Variants in PCBD2 observed in about 807,000 individuals in gnomAD.
The protein encoded by PCBD2 is pterin-4 alpha-carbinolamine dehydratase 2, also known as pterin-4-alpha-carbinolamine dehydratase 2.
A neutral mutation model predicts 16.4 loss-of-function variants in PCBD2; 12 were observed. That is an observed-to-expected ratio of 0.73 (90% CI 0.47 to 1.19). The LOEUF is 1.19. PCBD2 is among the 50% of genes most tolerant of loss of function. The probability of loss-of-function intolerance (pLI) is 0.00; values close to 1 mark genes in which losing one functional copy is unlikely to be tolerated. For synonymous variants in PCBD2, 58 were observed against 61.8 expected, an observed-to-expected ratio of 0.94 and a Z score of 0.29; for missense variants, 138 against 156.8, an observed-to-expected ratio of 0.88 and a Z score of 0.64.
At chr5:134,927,825 C>T (rs1280751695) in intron 2 of PCBD2, 2 of 382,524 alleles carry the variant, frequency 5.2e-6, no homozygotes, top group Non-Finnish European at 9.0e-6. Flanking sequence ...GGGCAGGAGT[C>T]AGGTAGTTAG....
At chr5:134,932,681 A>C (rs916246940) in intron 2 of PCBD2, among the ~76,000 whole-genome samples, 1 of 151,474 alleles carries the variant, frequency 6.6e-6, no homozygotes, top group African/African-American at 2.4e-5. Context: ...ATGGGATCTC[A>C]CTATGTTGCC....
chr5:134,918,803 C>T lies in PCBD2; in HGVS notation c.216+8337C>T, dbSNP rs191766482. Among the ~76,000 whole-genome samples, 4 of 152,286 alleles carry T rather than the reference C, an allele frequency of 2.6e-5. No individual in the cohort carries two copies. In the East Asian group the frequency reaches 7.7e-4, roughly 29 times the overall value. On this transcript the variant is annotated intron_variant, in intron 2 of 3. Transcript: ENST00000254908. ...TGTTGGTGTTCCCTTTGGAGTTCTT[C>T]CTGAGCAGGACCACGCTGATGCTCC...
chr5:134,954,067 C>T (rs879599460), intron 2 of PCBD2, among the ~76,000 whole-genome samples: 6 of 152,094 alleles, frequency 3.9e-5, no homozygotes, highest in Non-Finnish European at 8.8e-5. Flanking sequence ...GACGGATCCC[C>T]CAACCTCAAC....
At chr5:134,928,180 G>A (rs1726886422) in intron 2 of PCBD2, 1 of 390,354 alleles carries the variant, frequency 2.6e-6, no homozygotes, top group African/African-American at 2.1e-5. Flanking sequence ...AGTGGGTGTT[G>A]AGGGTTATGA....
chr5:134,912,169 A>G (rs924017943), intron 2 of PCBD2, among the ~76,000 whole-genome samples: 1 of 151,900 alleles, frequency 6.6e-6, no homozygotes, highest in Admixed American at 6.6e-5. Context: ...TTTTTTTCCC[A>G]TTCACCCAAC....
At chr5:134,928,764 G>C (rs1245177762) in intron 2 of PCBD2, among the ~76,000 whole-genome samples, 1 of 152,196 alleles carries the variant, frequency 6.6e-6, no homozygotes, top group Admixed American at 6.5e-5. Flanking sequence ...AAACCCGGGA[G>C]GCAGAGCTTG....
intron 2 of PCBD2, among the ~76,000 whole-genome samples, chr5:134,922,922 C>T (rs1304920718): frequency 6.6e-6 from 1 of 152,096 alleles, no homozygotes; most frequent in African/African-American, 2.4e-5. Flanking sequence ...GTGATCCACC[C>T]ACCTCCGCCT....
chr5:134,927,505 A>G (rs79359920), intron 2 of PCBD2: 1 of 398,016 alleles, frequency 2.5e-6, no homozygotes. Context: ...AGAGTGAGTA[A>G]TAGAATATTC....
rs371312365 is a variant in PCBD2 at position 134,935,065 on chromosome 5, T to C, written c.217-23975T>C. On this transcript the variant is annotated intron_variant, in intron 2 of 3. Coordinates refer to ENST00000254908, the MANE Select transcript of PCBD2 (RefSeq NM_032151.5). Reference sequence around the variant, plus strand: ...GGAGGTCAGAGTAAAGCAACTTGGCTACATTAAGATCGGAAACCAACCCAT... The same window carrying C: ...GGAGGTCAGAGTAAAGCAACTTGGCCACATTAAGATCGGAAACCAACCCAT... Among the ~76,000 whole-genome samples, 3 of 152,364 alleles carry C rather than the reference T, an allele frequency of 2.0e-5. No individual in the cohort carries two copies. In the South Asian group the frequency reaches 6.2e-4, roughly 32 times the overall value.
chr5:134,912,952 A>G (rs922742489), intron 2 of PCBD2, among the ~76,000 whole-genome samples: 4 of 152,206 alleles, frequency 2.6e-5, no homozygotes, highest in African/African-American at 7.2e-5. Flanking sequence ...CATAACATTA[A>G]AATAGGATGG....
At chr5:134,913,079 T>G (rs919898436) in intron 2 of PCBD2, among the ~76,000 whole-genome samples, 1 of 152,230 alleles carries the variant, frequency 6.6e-6, no homozygotes, top group African/African-American at 2.4e-5. Context: ...GTTATACATG[T>G]GGTTACATTT....
intron 2 of PCBD2, among the ~76,000 whole-genome samples, chr5:134,941,528 A>C (rs1353831456): frequency 6.6e-6 from 1 of 152,232 alleles, no homozygotes; most frequent in East Asian, 1.9e-4. Context: ...CTGGCTTTTA[A>C]AAGATATATT....
At chr5:134,956,991 A>G (rs1166789548) in intron 2 of PCBD2, among the ~76,000 whole-genome samples, 1 of 152,240 alleles carries the variant, frequency 6.6e-6, no homozygotes, top group Non-Finnish European at 1.5e-5. Flanking sequence ...AGGGCCAGGC[A>G]TGGTGGCTCA....
At chr5:134,930,989 C>T (rs1751085894) in intron 2 of PCBD2, among the ~76,000 whole-genome samples, 1 of 152,136 alleles carries the variant, frequency 6.6e-6, no homozygotes, top group African/African-American at 2.4e-5. Flanking sequence ...ATGATCGTGG[C>T]TCACTGCAAC....
At chr5:134,935,435 T>A (rs1751147989) in intron 2 of PCBD2, among the ~76,000 whole-genome samples, 1 of 152,246 alleles carries the variant, frequency 6.6e-6, no homozygotes, top group Non-Finnish European at 1.5e-5. Context: ...TGTTACGATT[T>A]GCACACCTGC....
intron 2 of PCBD2, among the ~76,000 whole-genome samples, chr5:134,957,771 G>A (rs1318655165): frequency 6.6e-6 from 1 of 152,208 alleles, no homozygotes; most frequent in African/African-American, 2.4e-5. Flanking sequence ...GAAGGGCTGG[G>A]AAAGTGAATA....
chr5:134,959,188 C>A, intron 3 of PCBD2, 68 bp downstream of exon 3: 2 of 1,158,924 alleles, frequency 1.7e-6, no homozygotes, highest in South Asian at 2.7e-5. Flanking sequence ...TCTTCCTTGT[C>A]ATCTTGTGCA....
rs1432391483 is a variant in PCBD2 at position 134,961,345 on chromosome 5, G to A, written c.*664G>A. ...TCTGTCACCAGGCTGGAGTGCAGTGGCGGGATCTCGGCTCACTGCAACCTC... is the reference window on the plus strand; with the variant it reads ...TCTGTCACCAGGCTGGAGTGCAGTGACGGGATCTCGGCTCACTGCAACCTC... On this transcript the variant is annotated 3_prime_UTR_variant, in exon 4 of 4. Coordinates refer to ENST00000254908, the MANE Select transcript of PCBD2 (RefSeq NM_032151.5). The A allele has an allele frequency of 1.3e-5, 2 of 151,378 alleles. No homozygotes were observed. The highest frequency in any genetic ancestry group is 2.9e-5 in the Non-Finnish European group (2 of 67,924). The allele number at this position is 151,378 out of a possible 1,614,324, so 9.4% of individuals were successfully genotyped here.
intron 2 of PCBD2, among the ~76,000 whole-genome samples, chr5:134,956,786 A>C (rs765071067): frequency 9.2e-5 from 14 of 152,166 alleles, no homozygotes; most frequent in Non-Finnish European, 1.8e-4. Flanking sequence ...TTCACCACTC[A>C]TTGTGTTTTG....
Sources: allele counts gnomAD v4.1 joint callset (sites outside exome capture counted in the v4.1 genomes callset), GRCh38; gene constraint gnomAD v4.1.1; transcripts MANE v1.5; gene names NCBI Gene and HGNC (gene_info 2026-07-23, HGNC 2026-07-21).